ARFGEF2: variants seen among roughly 807,000 people sequenced by gnomAD.
The protein encoded by ARFGEF2 is brefeldin A-inhibited guanine nucleotide-exchange protein 2.
Under a neutral mutation model 219.9 loss-of-function variants are expected in ARFGEF2, and 74 were observed. The observed-to-expected ratio is 0.34, with a 90% CI of 0.28 to 0.41. The LOEUF is 0.41. Ranked by LOEUF, ARFGEF2 falls within the 10% of genes least tolerant of loss-of-function variation. ARFGEF2 has a pLI of 1.00. For synonymous variants in ARFGEF2, 733 were observed against 799.2 expected (o/e 0.92, Z 1.40); for missense variants, 1,743 against 2,218.3 (o/e 0.79, Z 4.30).
At chr20:48,994,690 C>G in intron 22 of ARFGEF2, 92 bp downstream of exon 22, 1 of 1,549,558 alleles carries the variant, frequency 6.5e-7, no homozygotes, top group Non-Finnish European at 8.7e-7. Context: ...TCCTGTAAAC[C>G]GTCTCTTCCT....
At chr20:49,007,592 CTTTT>C (rs752508908) in intron 26 of ARFGEF2, among the ~76,000 whole-genome samples, 1 of 97,868 alleles carries the variant, frequency 1.0e-5, no homozygotes, top group Non-Finnish European at 2.0e-5. Context: ...CCTGGTGTTG[CTTTT>C]TTTTTTTTTT....
intron 1 of ARFGEF2, among the ~76,000 whole-genome samples, chr20:48,928,525 C>T (rs1461721780): frequency 7.2e-6 from 1 of 138,416 alleles, no homozygotes; most frequent in African/African-American, 2.7e-5. Flanking sequence ...GAGCCAGTCT[C>T]GCTCTGTCGC....
intron 1 of ARFGEF2, among the ~76,000 whole-genome samples, chr20:48,939,000 A>G (rs1417111095): frequency 2.1e-5 from 3 of 142,240 alleles, no homozygotes; most frequent in African/African-American, 7.8e-5. Flanking sequence ...TTTTTGAGAA[A>G]GTCTCACTAT....
Position 49,028,603 on chromosome 20 carries a change from G to C in ARFGEF2, c.4998G>C (p.Leu1666=), listed in dbSNP as rs1428898742. ...GCCTGGCCTGTTGTTTGAGGATCCT[G>C]TTTCGAATGTATGTTGATGAGAACC... is the stretch of plus-strand genomic sequence containing the variant. ...TSSLACCLRI[L]FRMYVDENRR... Residue 1666 remains leucine (L), a synonymous_variant, in exon 37 of 39, where the codon CTG becomes CTC. Coordinates refer to ENST00000371917, the MANE Select transcript of ARFGEF2 (RefSeq NM_006420.3). 6.2e-7 allele frequency: 1 copy of C among 1,614,040 alleles called. No homozygotes were observed. Among genetic ancestry groups the C allele is most frequent in the East Asian group, 2.2e-5 (1 of 44,902 alleles).
rs2091185550 is a variant in ARFGEF2, at chr20:48,966,137, A to G, written c.1059+114A>G. The G allele has an allele frequency of 1.4e-5, 18 of 1,296,194 alleles. No homozygotes were observed. In the East Asian group the frequency reaches 4.5e-4, roughly 32 times the overall value. The allele number at this position is 1,296,194 out of a possible 1,614,324, so 80.3% of individuals were successfully genotyped here. ...TAAAATAAGCAAGCCCTGTTCCTTT[A>G]TTAGTCACACAGTCCTGGGCTGATA... On this transcript the variant is annotated intron_variant, in intron 8 of 38. Coordinates refer to ENST00000371917, the MANE Select transcript of ARFGEF2 (RefSeq NM_006420.3).
intron 7 of ARFGEF2, 25 bp downstream of exon 7, chr20:48,963,923 T>C: frequency 6.2e-7 from 1 of 1,610,554 alleles, no homozygotes; most frequent in Admixed American, 1.7e-5. Context: ...CAACCCAGCC[T>C]TTCCTCTTCC....
chr20:49,004,987 G>C (rs1348708039), intron 25 of ARFGEF2, 83 bp from the exon 26 acceptor site: 4 of 1,459,146 alleles, frequency 2.7e-6, no homozygotes, highest in African/African-American at 2.8e-5. Context: ...TTGAAGGTAG[G>C]CTGTCCATCT....
intron 14 of ARFGEF2, among the ~76,000 whole-genome samples, chr20:48,977,152 C>G (rs1056558665): frequency 1.3e-5 from 2 of 151,654 alleles, no homozygotes; most frequent in Non-Finnish European, 2.9e-5. Flanking sequence ...AGCAGGCCCC[C>G]CTGTGTGTGA....
intron 6 of ARFGEF2, 86 bp downstream of exon 6, chr20:48,953,876 C>A: frequency 2.3e-6 from 3 of 1,286,184 alleles, no homozygotes; most frequent in Non-Finnish European, 3.3e-6. Context: ...GTCATAACAT[C>A]TGAAGGAAAC....
rs2091660852 is a variant in ARFGEF2 at position 49,035,385 on chromosome 20, T to G, written c.*2186T>G. ...TAGTATTTTAAAAGATTTAATTTTCTGAATGAGGCATTTGAATTGTACCAG... is the reference window on the plus strand; with the variant it reads ...TAGTATTTTAAAAGATTTAATTTTCGGAATGAGGCATTTGAATTGTACCAG... On this transcript the variant is annotated 3_prime_UTR_variant, in exon 39 of 39. Coordinates refer to ENST00000371917, the MANE Select transcript of ARFGEF2 (RefSeq NM_006420.3). 6.6e-6 allele frequency: 1 copy of G among 152,244 alleles called. No individual in the cohort carries two copies. Among genetic ancestry groups the G allele is most frequent in the Non-Finnish European group, 1.5e-5 (1 of 68,040 alleles). 9.4% of individuals were successfully genotyped at this position (152,244 alleles called of 1,614,324 possible).
At chr20:48,977,055 G>T (rs536518027) in intron 14 of ARFGEF2, among the ~76,000 whole-genome samples, 1 of 151,700 alleles carries the variant, frequency 6.6e-6, no homozygotes, top group African/African-American at 2.4e-5. Flanking sequence ...GTATACATGT[G>T]CCATGTTGGT....
At chr20:48,936,430 G>A (rs1406488938) in intron 1 of ARFGEF2, among the ~76,000 whole-genome samples, 12 of 150,580 alleles carry the variant, frequency 8.0e-5, no homozygotes, top group Admixed American at 6.6e-5. Flanking sequence ...GCTGCTGGGC[G>A]GAGGGGCTCC....
intron 34 of ARFGEF2, 80 bp downstream of exon 34, chr20:49,019,078 C>T: frequency 8.4e-7 from 1 of 1,184,310 alleles, no homozygotes; most frequent in African/African-American, 1.5e-5. Context: ...AAAGGGTAAA[C>T]ATGATAAGCC....
Position 49,034,902 on chromosome 20 carries a change from T to A in ARFGEF2, c.*1703T>A, listed in dbSNP as rs2091657439. 6.6e-6 allele frequency: 1 copy of A among 152,180 alleles called. No homozygotes were observed. The highest frequency in any genetic ancestry group is 2.1e-4 in the South Asian group (1 of 4,832). The allele number at this position is 152,180 out of a possible 1,614,324, so 9.4% of individuals were successfully genotyped here. Reference sequence around the variant, plus strand: ...AAAGAAAAAATGAGCAGGTTTAGGTTTTTACATGACTTATATACATTAGAT... The same window carrying A: ...AAAGAAAAAATGAGCAGGTTTAGGTATTTACATGACTTATATACATTAGAT... On this transcript the variant is annotated 3_prime_UTR_variant, in exon 39 of 39. Transcript: ENST00000371917.
intron 1 of ARFGEF2, among the ~76,000 whole-genome samples, chr20:48,935,141 G>A (rs1028340389): frequency 6.6e-6 from 1 of 151,104 alleles, no homozygotes; most frequent in African/African-American, 2.4e-5. Context: ...TTTCTCGCAG[G>A]GGGGGATTTG....
Position 49,023,454 on chromosome 20 carries a change from A to G in ARFGEF2, c.4755+273A>G, listed in dbSNP as rs2426107. Among the ~76,000 whole-genome samples the G allele has an allele frequency of 0.75, 114,590 of 151,944 alleles. 43,889 individuals are homozygous for G. The highest frequency in any genetic ancestry group is 0.88 in the African/African-American group (36,623 of 41,446). ...GAGTTTATGAGCATACCACTGCTCA[A>G]ATGCCACCCCACTAGTGTTAGTTAT... On this transcript the variant is annotated intron_variant, in intron 35 of 38. Coordinates refer to ENST00000371917, the MANE Select transcript of ARFGEF2 (RefSeq NM_006420.3).
intron 1 of ARFGEF2, among the ~76,000 whole-genome samples, chr20:48,935,940 G>GC (rs1568690088): frequency 7.3e-6 from 1 of 137,482 alleles, no homozygotes; most frequent in African/African-American, 3.0e-5. Flanking sequence ...GGCTGGCCGG[G>GC]GGGGGGGGCT....
At position 48,989,908 on chromosome 20, in the gene ARFGEF2, A is replaced by G. The variant is rs372169256; in HGVS notation, c.2814+224A>G. On this transcript the variant is annotated intron_variant, in intron 20 of 38. Coordinates refer to ENST00000371917, the MANE Select transcript of ARFGEF2 (RefSeq NM_006420.3). ...CTTTAAGAATGGGTAGGCTGGGCACAGTGGCTCACGCCTGTAATCCCAGCA... is the reference window on the plus strand; with the variant it reads ...CTTTAAGAATGGGTAGGCTGGGCACGGTGGCTCACGCCTGTAATCCCAGCA... Among the ~76,000 whole-genome samples the G allele has an allele frequency of 1.6e-4, 25 of 152,346 alleles. No individual in the cohort carries two copies. In the East Asian group the frequency reaches 3.9e-3, roughly 24 times the overall value.
chr20:48,994,646 C>T (rs762606821), intron 22 of ARFGEF2, 48 bp downstream of exon 22: 10 of 1,608,014 alleles, frequency 6.2e-6, no homozygotes, highest in South Asian at 2.2e-5. Context: ...TGCAAGCTAA[C>T]GGGGATGAAA....
Sources: allele counts gnomAD v4.1 joint callset (sites outside exome capture counted in the v4.1 genomes callset), GRCh38; gene constraint gnomAD v4.1.1; transcripts MANE v1.5; gene names NCBI Gene and HGNC (gene_info 2026-07-23, HGNC 2026-07-21).